IGF1R: variants seen among roughly 807,000 people sequenced by gnomAD.
IGF1R encodes insulin-like growth factor 1 receptor.
In IGF1R, 44 loss-of-function variants were observed where a neutral mutation model predicts 144.6. The observed-to-expected ratio is 0.30, with a 90% confidence interval of 0.24 to 0.39. The LOEUF is 0.39. IGF1R is among the 10% of genes least tolerant of loss of function. The pLI, the probability that IGF1R is intolerant of heterozygous loss-of-function variation, is 1.00. For missense variants in IGF1R, 1,355 were observed against 1,833.7 expected, an observed-to-expected ratio of 0.74 and a Z score of 4.77; for synonymous variants, 795 against 722.8, an observed-to-expected ratio of 1.10 and a Z score of -1.60.
At chr15:98,807,530 A>G (rs568480776) in intron 2 of IGF1R, among the ~76,000 whole-genome samples, 2 of 152,338 alleles carry the variant, frequency 1.3e-5, no homozygotes, top group Non-Finnish European at 2.9e-5. Flanking sequence ...ATTCTCTGAG[A>G]TAGGATAAGG....
Position 98,960,445 on chromosome 15 carries a change from CT to C in IGF1R, c.*3005del, listed in dbSNP as rs1480430673. The stretch of plus-strand genomic sequence containing the variant: ...GGCTGGTTGTCTTTGGAACAAACTG[CT>C]TCTGTGCAGATGGAATGACCAACAC... On this transcript the variant is annotated 3_prime_UTR_variant, in exon 21 of 21. Transcript: ENST00000650285. 1.7e-5 allele frequency: 4 copies of C among 231,314 alleles called. No homozygotes were observed. The highest frequency in any genetic ancestry group is 3.4e-5 in the Non-Finnish European group (4 of 117,206). 14.3% of individuals were successfully genotyped at this position (231,314 alleles called of 1,614,324 possible). A position where few individuals can be genotyped will look rare whatever the true frequency, so the allele number is the denominator to read the frequency against.
At chr15:98,875,034 G>A (rs961757926) in intron 2 of IGF1R, among the ~76,000 whole-genome samples, 1 of 152,192 alleles carries the variant, frequency 6.6e-6, no homozygotes, top group Non-Finnish European at 1.5e-5. Context: ...CTTGTTCTCT[G>A]TGAGTAAAAC....
intron 2 of IGF1R, among the ~76,000 whole-genome samples, chr15:98,765,703 T>C (rs529431176): frequency 2.0e-5 from 3 of 152,250 alleles, no homozygotes; most frequent in African/African-American, 7.2e-5. Context: ...AAGAAAAATA[T>C]TCAAAACTTA....
chr15:98,694,147 A>G (rs1050655447), intron 1 of IGF1R, among the ~76,000 whole-genome samples: 3 of 151,854 alleles, frequency 2.0e-5, no homozygotes, highest in African/African-American at 7.3e-5. Context: ...TTTTTTTTTT[A>G]AAGCATAATT....
At chr15:98,671,274 TTTTAATCAACTGCAGGGTG>T (rs994789977) in intron 1 of IGF1R, among the ~76,000 whole-genome samples, 7 of 152,238 alleles carry the variant, frequency 4.6e-5, no homozygotes, top group African/African-American at 1.7e-4. Flanking sequence ...TGACCATTGT[TTTTAATCAACTGCAGGGTG>T]TTTGGAGTTG....
intron 2 of IGF1R, among the ~76,000 whole-genome samples, chr15:98,845,283 T>A (rs1275484442): frequency 6.6e-6 from 1 of 152,194 alleles, no homozygotes; most frequent in Non-Finnish European, 1.5e-5. Context: ...TAGGGCATGA[T>A]AACCTTTGAG....
chr15:98,957,105 G>T lies in IGF1R; in HGVS notation c.3767G>T (p.Arg1256Met), dbSNP rs770126866. The T allele has an allele frequency of 6.2e-7, 1 of 1,614,208 alleles. No homozygotes were observed. Among genetic ancestry groups the T allele is most frequent in the Non-Finnish European group, 8.5e-7 (1 of 1,180,026 alleles). ...RMCWQYNPKM[R>M]PSFLEIISSI... ...TGCTGGCAGTATAACCCCAAGATGA[G>T]GCCTTCCTTCCTGGAGATCATCAGC... is the stretch of plus-strand genomic sequence containing the variant. Residue 1256 changes from arginine (R) to methionine (M), a missense_variant, in exon 21 of 21, where the codon AGG becomes ATG. Transcript: ENST00000650285.
Position 98,648,713 on chromosome 15 carries a change from G to C in IGF1R, c.-869G>C, listed in dbSNP as rs2052252945. Among the ~76,000 whole-genome samples the C allele has an allele frequency of 6.8e-6, 1 of 147,172 alleles. No individual in the cohort carries two copies. The highest frequency in any genetic ancestry group is 1.5e-5 in the Non-Finnish European group (1 of 66,148). The stretch of plus-strand genomic sequence containing the variant: ...GCCGCCAGCGAGCCTGCCCACGGCC[G>C]GCGCTCGCAGACCCTCGGCCCCGCT... On this transcript the variant is annotated 5_prime_UTR_variant, in exon 1 of 21. Transcript: ENST00000650285.
chr15:98,768,494 A>G (rs1175458730), intron 2 of IGF1R, among the ~76,000 whole-genome samples: 1 of 151,392 alleles, frequency 6.6e-6, no homozygotes, highest in Admixed American at 6.6e-5. Flanking sequence ...GCGTGCCTAT[A>G]ATTTCAGCTA....
Position 98,964,360 on chromosome 15 carries a change from TGTA to T in IGF1R, c.*6919_*6921del, listed in dbSNP as rs1229245668. ...TTCAAAATGTTTTTGTATATTCTGT[TGTA>T]AGAATTTATTCCTGTTATTGCGATA... On this transcript the variant is annotated 3_prime_UTR_variant, in exon 21 of 21. Coordinates refer to ENST00000650285, the MANE Select transcript of IGF1R (RefSeq NM_000875.5). The T allele has an allele frequency of 8.7e-6, 2 of 230,888 alleles. No homozygotes were observed. Among genetic ancestry groups the T allele is most frequent in the Admixed American group, 1.1e-4 (2 of 17,708 alleles). 14.3% of individuals were successfully genotyped at this position (230,888 alleles called of 1,614,324 possible).
At chr15:98,885,759 T>TATG (rs1281286173) in intron 2 of IGF1R, among the ~76,000 whole-genome samples, 1 of 152,144 alleles carries the variant, frequency 6.6e-6, no homozygotes, top group African/African-American at 2.4e-5. Flanking sequence ...TGAAATATTG[T>TATG]ATGGCCAGGT....
intron 1 of IGF1R, among the ~76,000 whole-genome samples, chr15:98,687,791 T>C (rs2053366928): frequency 6.6e-6 from 1 of 152,232 alleles, no homozygotes. Context: ...AATAAAGCTC[T>C]TAAAAGTGTC....
intron 1 of IGF1R, among the ~76,000 whole-genome samples, chr15:98,654,157 G>GAAGCCTTT (rs2052433526): frequency 6.6e-6 from 1 of 152,162 alleles, no homozygotes; most frequent in South Asian, 2.1e-4. Context: ...TTGTTCATCA[G>GAAGCCTTT]AAGCCTTTAC....
At chr15:98,924,338 G>C (rs1378413929) in intron 12 of IGF1R, among the ~76,000 whole-genome samples, 187 bp from the exon 13 acceptor site, 1 of 152,252 alleles carries the variant, frequency 6.6e-6, no homozygotes. Flanking sequence ...GCTTTTGGGT[G>C]TGCTTAAAGC....
intron 5 of IGF1R, among the ~76,000 whole-genome samples, chr15:98,904,630 G>C (rs1286430855): frequency 6.6e-6 from 1 of 152,162 alleles, no homozygotes. Flanking sequence ...AGATGGCTCT[G>C]TTGCTGATGA....
In IGF1R at chr15:98,837,081, T is replaced by C. The variant is rs184800690; in HGVS notation, c.641-54244T>C. Among the ~76,000 whole-genome samples, 14 of 152,366 alleles carry C rather than the reference T, an allele frequency of 9.2e-5. No individual in the cohort carries two copies. The East Asian group carries it at 9.6e-4, about 10-fold the overall frequency. On this transcript the variant is annotated intron_variant, in intron 2 of 20. Transcript: ENST00000650285. ...GTATGCAGATGTCTCGTTTCTCTTT[T>C]TTCATATTTCTTTTCTTTTTTCTTT...
intron 3 of IGF1R, among the ~76,000 whole-genome samples, chr15:98,895,067 G>A (rs905747264): frequency 5.9e-5 from 9 of 151,766 alleles, no homozygotes; most frequent in African/African-American, 1.9e-4. Context: ...ACAGATTAGT[G>A]GTTGCCAGGT....
At chr15:98,893,258 G>A (rs1025060483) in intron 3 of IGF1R, among the ~76,000 whole-genome samples, 1 of 152,176 alleles carries the variant, frequency 6.6e-6, no homozygotes, top group Admixed American at 6.5e-5. Flanking sequence ...TCTACTGTAG[G>A]CTTACCTTCA....
chr15:98,774,867 CAATTA>C lies in IGF1R; in HGVS notation c.640+66765_640+66769del, dbSNP rs1365780187. Reference sequence around the variant, plus strand: ...ACATTTTGTTATGGATATTTTCCCACAATTAAATTTAAAAGGAAGATGAGTAGTAC... The same window carrying C: ...ACATTTTGTTATGGATATTTTCCCACAATTTAAAAGGAAGATGAGTAGTAC... On this transcript the variant is annotated intron_variant, in intron 2 of 20. Transcript: ENST00000650285. Among the ~76,000 whole-genome samples the C allele has an allele frequency of 5.9e-5, 9 of 152,240 alleles. No homozygotes were observed. The South Asian group carries it at 8.3e-4, about 14-fold the overall frequency.
Sources: allele counts gnomAD v4.1 joint callset (sites outside exome capture counted in the v4.1 genomes callset), GRCh38; gene constraint gnomAD v4.1.1; transcripts MANE v1.5; gene names NCBI Gene and HGNC (gene_info 2026-07-23, HGNC 2026-07-21).